CNTNAP2: variants seen among roughly 807,000 people sequenced by gnomAD.
CNTNAP2 encodes contactin associated protein 2.
In CNTNAP2, 98 loss-of-function variants were observed where a neutral mutation model predicts 155.2. The ratio of observed to expected loss-of-function variants is 0.63; its 90% confidence interval spans 0.54 to 0.75. CNTNAP2 has a LOEUF of 0.75. CNTNAP2 is among the 30% of genes least tolerant of loss of function. CNTNAP2 has a pLI of 0.00. For missense variants in CNTNAP2, 1,727 were observed against 1,688.1 expected (o/e 1.02, Z -0.40); for synonymous variants, 651 against 631.2 (o/e 1.03, Z -0.47).
At chr7:146,340,186 A>G (rs1301558933) in intron 1 of CNTNAP2, among the ~76,000 whole-genome samples, 3 of 149,690 alleles carry the variant, frequency 2.0e-5, no homozygotes, top group East Asian at 1.9e-4. Flanking sequence ...AAAAAAAAAA[A>G]AAAAAGAAAT....
chr7:146,391,479 CA>C (rs1466708768), intron 1 of CNTNAP2, among the ~76,000 whole-genome samples: 1 of 151,910 alleles, frequency 6.6e-6, no homozygotes, highest in African/African-American at 2.4e-5. Context: ...ATGAGATTGC[CA>C]GAGGGAGAAA....
At chr7:146,906,485 TCCCTGAC>T (rs1446430316) in intron 3 of CNTNAP2, among the ~76,000 whole-genome samples, 1 of 151,624 alleles carries the variant, frequency 6.6e-6, no homozygotes, top group East Asian at 2.0e-4. Context: ...CTCAAGTGGG[TCCCTGAC>T]CCCTGACCCC....
intron 21 of CNTNAP2, among the ~76,000 whole-genome samples, chr7:148,354,556 G>C (rs1798479885): frequency 6.6e-6 from 1 of 152,038 alleles, no homozygotes; most frequent in African/African-American, 2.4e-5. Flanking sequence ...CCCAGGACCT[G>C]TCCTCAGGAG....
At chr7:146,242,526 A>G (rs1488578263) in intron 1 of CNTNAP2, among the ~76,000 whole-genome samples, 1 of 150,064 alleles carries the variant, frequency 6.7e-6, no homozygotes, top group Non-Finnish European at 1.5e-5. Context: ...CAACAGAGTG[A>G]GACTCTGTCT....
intron 13 of CNTNAP2, among the ~76,000 whole-genome samples, chr7:147,825,622 A>C (rs117691960): frequency 0.044 from 6,759 of 152,272 alleles, 273 homozygotes; most frequent in Admixed American, 0.12. Flanking sequence ...AGAATAGAAA[A>C]CCTGCACTCG....
chr7:146,723,914 C>A (rs1361014803), intron 1 of CNTNAP2, among the ~76,000 whole-genome samples: 2 of 152,078 alleles, frequency 1.3e-5, no homozygotes. Context: ...ATGGAGGTCC[C>A]CGCTGAATTT....
At chr7:148,199,542 C>T (rs1795334321) in intron 18 of CNTNAP2, among the ~76,000 whole-genome samples, 1 of 152,206 alleles carries the variant, frequency 6.6e-6, no homozygotes, top group African/African-American at 2.4e-5. Flanking sequence ...AATCAACTGA[C>T]ATTGACAAAT....
intron 3 of CNTNAP2, among the ~76,000 whole-genome samples, chr7:146,934,404 A>G (rs1033990446): frequency 5.1e-5 from 7 of 136,208 alleles, no homozygotes; most frequent in Admixed American, 2.5e-4. Flanking sequence ...GAACACATGG[A>G]CACAGGAAGG....
At chr7:148,323,149 A>T (rs931086341) in intron 21 of CNTNAP2, among the ~76,000 whole-genome samples, 2 of 152,080 alleles carry the variant, frequency 1.3e-5, no homozygotes, top group African/African-American at 4.8e-5. Context: ...GTGAGAAGAA[A>T]CCGAGGTTCA....
At chr7:146,246,413 G>C (rs1584824715) in intron 1 of CNTNAP2, among the ~76,000 whole-genome samples, 1 of 150,556 alleles carries the variant, frequency 6.6e-6, no homozygotes, top group East Asian at 1.9e-4. Context: ...AAAGAGTATT[G>C]TCTAAGTTGG....
chr7:147,784,397 T>TATATATATATATATAA (rs1797702609), intron 13 of CNTNAP2, among the ~76,000 whole-genome samples: 1 of 136,026 alleles, frequency 7.4e-6, no homozygotes, highest in Non-Finnish European at 1.6e-5. Context: ...TATATATATA[T>TATATATATATATATAA]ATATATATAT....
intron 22 of CNTNAP2, among the ~76,000 whole-genome samples, chr7:148,387,774 C>G (rs1478910607): frequency 1.3e-5 from 2 of 151,936 alleles, no homozygotes; most frequent in Non-Finnish European, 2.9e-5. Flanking sequence ...TTTTTAAAAC[C>G]CTGATGTCAA....
At chr7:146,327,437 A>G (rs1048016667) in intron 1 of CNTNAP2, among the ~76,000 whole-genome samples, 3 of 152,256 alleles carry the variant, frequency 2.0e-5, no homozygotes, top group African/African-American at 7.2e-5. Context: ...TGAAACTTTG[A>G]TAAACACAAA....
chr7:147,727,586 A>C (rs1203937699), intron 13 of CNTNAP2, among the ~76,000 whole-genome samples: 2 of 151,992 alleles, frequency 1.3e-5, no homozygotes, highest in Non-Finnish European at 2.9e-5. Flanking sequence ...ATATCCCATC[A>C]TATTTTATTT....
chr7:146,277,131 T>C (rs1441639533), intron 1 of CNTNAP2, among the ~76,000 whole-genome samples: 3 of 152,116 alleles, frequency 2.0e-5, no homozygotes, highest in South Asian at 4.1e-4. Context: ...TGCACATATG[T>C]AGCCACAAAC....
intron 3 of CNTNAP2, among the ~76,000 whole-genome samples, chr7:146,941,470 C>T (rs1797055209): frequency 1.3e-5 from 2 of 152,180 alleles, no homozygotes; most frequent in South Asian, 4.1e-4. Flanking sequence ...GTAGTGATTA[C>T]TAATTTAATA....
intron 15 of CNTNAP2, among the ~76,000 whole-genome samples, chr7:147,983,785 G>T (rs1026393348): frequency 6.6e-6 from 1 of 152,144 alleles, no homozygotes; most frequent in Non-Finnish European, 1.5e-5. Context: ...AAGATAAGGG[G>T]TTGTGGAGGT....
chr7:146,902,612 T>C (rs756523653), intron 3 of CNTNAP2, among the ~76,000 whole-genome samples: 31 of 152,230 alleles, frequency 2.0e-4, no homozygotes, highest in Admixed American at 5.9e-4. Flanking sequence ...CACTTTCTCT[T>C]CATTTAAGCT....
intron 8 of CNTNAP2, among the ~76,000 whole-genome samples, chr7:147,240,102 G>C (rs74810392): frequency 3.7e-4 from 57 of 152,094 alleles, no homozygotes; most frequent in African/African-American, 1.3e-3. Flanking sequence ...TCCATAGAAC[G>C]AGGACAACCA....
Sources: allele counts gnomAD v4.1 joint callset (sites outside exome capture counted in the v4.1 genomes callset), GRCh38; gene constraint gnomAD v4.1.1; transcripts MANE v1.5; gene names NCBI Gene and HGNC (gene_info 2026-07-23, HGNC 2026-07-21).